The following EXOC6B variants were observed in gnomAD, a reference collection of about 807,000 sequenced individuals.
EXOC6B encodes the protein exocyst complex component 6B, also known as SEC15 homolog B.
In EXOC6B, 54 loss-of-function variants were observed where a neutral mutation model predicts 113.5. That is an observed-to-expected ratio of 0.48 (90% confidence interval 0.38 to 0.60). The LOEUF is 0.60. EXOC6B is among the 20% of genes least tolerant of loss of function. The pLI, the probability that EXOC6B is intolerant of heterozygous loss-of-function variation, is 0.00. For synonymous variants in EXOC6B, 357 were observed against 339.0 expected (o/e 1.05, Z -0.58); for missense variants, 797 against 977.5 (o/e 0.82, Z 2.46).
At chr2:72,818,765 C>A (rs975503442) in intron 1 of EXOC6B, among the ~76,000 whole-genome samples, 3 of 152,170 alleles carry the variant, frequency 2.0e-5, no homozygotes, top group Admixed American at 1.3e-4. Context: ...TACTTTCTTA[C>A]CACCACTTCC....
At chr2:72,301,314 G>A (rs1686516471) in intron 20 of EXOC6B, among the ~76,000 whole-genome samples, 1 of 152,110 alleles carries the variant, frequency 6.6e-6, no homozygotes, top group Admixed American at 6.5e-5. Flanking sequence ...TTCTTTTTAT[G>A]TGTTTATGTC....
At chr2:72,483,086 AC>A (rs1363064526) in intron 16 of EXOC6B, among the ~76,000 whole-genome samples, 1 of 152,222 alleles carries the variant, frequency 6.6e-6, no homozygotes, top group Non-Finnish European at 1.5e-5. Flanking sequence ...AAAACAAACA[AC>A]CTTTTAACTT....
intron 19 of EXOC6B, among the ~76,000 whole-genome samples, chr2:72,335,536 G>T (rs1688643485): frequency 7.1e-6 from 1 of 140,920 alleles, no homozygotes. Flanking sequence ...ATTATCTCAT[G>T]ACTGCATTAT....
chr2:72,285,847 C>G (rs1353632585), intron 20 of EXOC6B, among the ~76,000 whole-genome samples: 3 of 151,840 alleles, frequency 2.0e-5, no homozygotes, highest in African/African-American at 7.3e-5. Context: ...GATACCTCAC[C>G]GAAGAAGATA....
chr2:72,545,276 C>CT (rs1702830819), intron 8 of EXOC6B, among the ~76,000 whole-genome samples: 2 of 151,912 alleles, frequency 1.3e-5, no homozygotes, highest in African/African-American at 4.8e-5. Flanking sequence ...TGATGTGTAT[C>CT]TTTTTTTCAT....
intron 20 of EXOC6B, among the ~76,000 whole-genome samples, chr2:72,238,321 G>A (rs1189080967): frequency 1.3e-5 from 2 of 152,010 alleles, no homozygotes; most frequent in African/African-American, 2.4e-5. Flanking sequence ...TGGCCATTTG[G>A]ATTATTTTCA....
At chr2:72,379,645 C>A (rs1385678345) in intron 19 of EXOC6B, 84 bp downstream of exon 19, 5 of 1,412,498 alleles carry the variant, frequency 3.5e-6, no homozygotes, top group Non-Finnish European at 4.8e-6. Flanking sequence ...GAACAAGGAC[C>A]CTAAACACCT....
At chr2:72,676,901 C>A (rs1169770576) in intron 6 of EXOC6B, among the ~76,000 whole-genome samples, 1 of 152,174 alleles carries the variant, frequency 6.6e-6, no homozygotes, top group Non-Finnish European at 1.5e-5. Context: ...GGCTACATAA[C>A]TGTTTTGACT....
chr2:72,637,965 T>G (rs2104320771), intron 6 of EXOC6B, among the ~76,000 whole-genome samples: 1 of 149,042 alleles, frequency 6.7e-6, no homozygotes, highest in East Asian at 2.0e-4. Context: ...AAAACAAGAG[T>G]GAATAAAACT....
chr2:72,267,612 G>C (rs909120708), intron 20 of EXOC6B, among the ~76,000 whole-genome samples: 3 of 152,192 alleles, frequency 2.0e-5, no homozygotes, highest in African/African-American at 7.2e-5. Context: ...AAGCCCACTT[G>C]ATCATGGTAG....
intron 18 of EXOC6B, among the ~76,000 whole-genome samples, chr2:72,425,975 T>C (rs1024847685): frequency 6.6e-6 from 1 of 152,180 alleles, no homozygotes; most frequent in African/African-American, 2.4e-5. Flanking sequence ...TAAAAGTGTA[T>C]CTTTTAGTCT....
Position 72,362,106 on chromosome 2 carries a change from T to A in EXOC6B, c.2122+17623A>T, listed in dbSNP as rs148724562. Among the ~76,000 whole-genome samples, 1,104 of 152,266 alleles carry A rather than the reference T, an allele frequency of 7.3e-3. 16 individuals carry two copies. The highest frequency in any genetic ancestry group is 0.026 in the African/African-American group (1,069 of 41,564). On this transcript the variant is annotated intron_variant, in intron 19 of 21. Coordinates refer to ENST00000272427, the MANE Select transcript of EXOC6B (RefSeq NM_015189.3). ...ATATGGAAGGCTTTAGAAGCCCGTG[T>A]TCCCTTTCAAAAGAATTAAACCAAA... is the stretch of plus-strand genomic sequence containing the variant.
intron 20 of EXOC6B, among the ~76,000 whole-genome samples, chr2:72,202,216 G>C (rs1679534304): frequency 2.0e-5 from 3 of 152,148 alleles, no homozygotes; most frequent in Admixed American, 1.3e-4. Flanking sequence ...TCTTGAATAA[G>C]GATATGAGAG....
chr2:72,350,599 A>T (rs1054421956), intron 19 of EXOC6B, among the ~76,000 whole-genome samples: 6 of 152,194 alleles, frequency 3.9e-5, no homozygotes, highest in Non-Finnish European at 7.3e-5. Flanking sequence ...AATTTTAAAA[A>T]ATAAAAAGGA....
chr2:72,699,703 T>C (rs114888901), intron 6 of EXOC6B, among the ~76,000 whole-genome samples: 3 of 152,096 alleles, frequency 2.0e-5, no homozygotes, highest in Non-Finnish European at 4.4e-5. Flanking sequence ...TTTAGCCTGA[T>C]TAAAAAAAAC....
At position 72,559,446 on chromosome 2, in the gene EXOC6B, G is replaced by A; in HGVS notation, c.915+7C>T. 6.4e-7 allele frequency: 1 copy of A among 1,568,356 alleles called. No homozygotes were observed. Among genetic ancestry groups the A allele is most frequent in the Non-Finnish European group, 8.6e-7 (1 of 1,159,034 alleles). ...TCTTTATTAGGCAGAGCCAGATAAA[G>A]ACTCACCAGGACAGAATATATATGT... is the stretch of plus-strand genomic sequence containing the variant. On this transcript the variant is annotated splice_region_variant and intron_variant, in intron 8 of 21. Transcript: ENST00000272427.
At chr2:72,243,321 T>G (rs1682441648) in intron 20 of EXOC6B, among the ~76,000 whole-genome samples, 1 of 152,092 alleles carries the variant, frequency 6.6e-6, no homozygotes, top group South Asian at 2.1e-4. Context: ...CTATACACAA[T>G]AGCAAAGACT....
intron 20 of EXOC6B, among the ~76,000 whole-genome samples, chr2:72,238,551 C>A (rs1160423863): frequency 2.6e-5 from 4 of 152,160 alleles, no homozygotes; most frequent in Non-Finnish European, 5.9e-5. Context: ...TTCTCCACAT[C>A]CCCACCAATG....
chr2:72,583,249 A>G (rs1351387077), intron 6 of EXOC6B, among the ~76,000 whole-genome samples: 3 of 152,230 alleles, frequency 2.0e-5, no homozygotes, highest in African/African-American at 7.2e-5. Context: ...CCTAAGAGTG[A>G]AGAAGAAAAA....
Sources: allele counts gnomAD v4.1 joint callset (sites outside exome capture counted in the v4.1 genomes callset), GRCh38; gene constraint gnomAD v4.1.1; transcripts MANE v1.5; gene names NCBI Gene and HGNC (gene_info 2026-07-23, HGNC 2026-07-21).